The following SLC9A9 variants were observed in gnomAD, a reference collection of about 807,000 sequenced individuals.
The protein encoded by SLC9A9 is solute carrier family 9 member A9.
A neutral mutation model predicts 77.8 loss-of-function variants in SLC9A9; 62 were observed. The ratio of observed to expected loss-of-function variants is 0.80; its 90% CI spans 0.65 to 0.98. The LOEUF is 0.98. SLC9A9 is among the 50% of genes least tolerant of loss of function. SLC9A9 has a pLI of 0.00. For synonymous variants in SLC9A9, 320 were observed against 283.5 expected (o/e 1.13, Z -1.29); for missense variants, 775 against 774.9 (o/e 1.00, Z 0.00).
chr3:143,815,315 C>A (rs767707890), intron 2 of SLC9A9, among the ~76,000 whole-genome samples: 6 of 152,108 alleles, frequency 3.9e-5, no homozygotes, highest in Non-Finnish European at 8.8e-5. Flanking sequence ...ACATGGCAGG[C>A]ACTTGTCAAA....
At chr3:143,725,812 AC>A (rs1384326113) in intron 4 of SLC9A9, among the ~76,000 whole-genome samples, 1 of 151,110 alleles carries the variant, frequency 6.6e-6, no homozygotes, top group Non-Finnish European at 1.5e-5. Context: ...GGTGCAGCAC[AC>A]CAGCATGGCA....
chr3:143,597,089 A>G (rs962340590), intron 6 of SLC9A9, among the ~76,000 whole-genome samples: 3 of 152,172 alleles, frequency 2.0e-5, no homozygotes, highest in Non-Finnish European at 4.4e-5. Flanking sequence ...CCATTGTAAG[A>G]TACATGGATG....
chr3:143,683,189 C>A (rs1933157646), intron 5 of SLC9A9, among the ~76,000 whole-genome samples: 1 of 152,208 alleles, frequency 6.6e-6, no homozygotes, highest in Middle Eastern at 3.4e-3. Context: ...AAATAAGTAG[C>A]AGCTTAAACT....
At chr3:143,830,064 G>T (rs943071837) in intron 2 of SLC9A9, among the ~76,000 whole-genome samples, 1 of 152,186 alleles carries the variant, frequency 6.6e-6, no homozygotes, top group African/African-American at 2.4e-5. Context: ...AAGGAAGACA[G>T]GCTACAGGTT....
intron 7 of SLC9A9, among the ~76,000 whole-genome samples, chr3:143,575,275 A>G (rs1426861683): frequency 1.3e-5 from 2 of 152,200 alleles, no homozygotes; most frequent in East Asian, 3.9e-4. Context: ...GAATAATATC[A>G]TGGTGGGGAG....
At chr3:143,546,482 A>G (rs1274424606) in intron 9 of SLC9A9, among the ~76,000 whole-genome samples, 1 of 152,250 alleles carries the variant, frequency 6.6e-6, no homozygotes, top group Non-Finnish European at 1.5e-5. Context: ...TAGATTTTCA[A>G]AAAGAGCAGA....
At chr3:143,648,277 C>T (rs1330499442) in intron 6 of SLC9A9, among the ~76,000 whole-genome samples, 4 of 152,162 alleles carry the variant, frequency 2.6e-5, no homozygotes, top group African/African-American at 9.7e-5. Context: ...TTTTCGGCAC[C>T]AGGGAACTGT....
chr3:143,517,076 T>TC (rs2036213596), intron 9 of SLC9A9: 1 of 1,077,792 alleles, frequency 9.3e-7, no homozygotes, highest in Non-Finnish European at 1.3e-6. Flanking sequence ...TTCTTTAACT[T>TC]TTTTTTTTTT....
chr3:143,725,671 A>T (rs1445885194), intron 4 of SLC9A9, among the ~76,000 whole-genome samples: 1 of 130,842 alleles, frequency 7.6e-6, no homozygotes, highest in Non-Finnish European at 1.6e-5. Flanking sequence ...TCACTCATAG[A>T]TGGGAATTGA....
chr3:143,717,386 A>G (rs926321915), intron 4 of SLC9A9, among the ~76,000 whole-genome samples: 3 of 152,232 alleles, frequency 2.0e-5, no homozygotes, highest in Non-Finnish European at 4.4e-5. Context: ...CTCAGCTACC[A>G]TAGAAGTTGA....
At chr3:143,605,569 A>G (rs746128302) in intron 6 of SLC9A9, among the ~76,000 whole-genome samples, 1 of 152,260 alleles carries the variant, frequency 6.6e-6, no homozygotes, top group African/African-American at 2.4e-5. Context: ...GGCATCGCAT[A>G]TAAAAGATTT....
At chr3:143,703,628 A>G (rs1933868543) in intron 4 of SLC9A9, among the ~76,000 whole-genome samples, 1 of 152,144 alleles carries the variant, frequency 6.6e-6, no homozygotes, top group Non-Finnish European at 1.5e-5. Flanking sequence ...AAAACTTCAA[A>G]TAAACAACCT....
chr3:143,370,601 A>ACACACACC (rs1436891895), intron 13 of SLC9A9, among the ~76,000 whole-genome samples: 23 of 150,654 alleles, frequency 1.5e-4, no homozygotes, highest in Non-Finnish European at 2.1e-4. Context: ...ACACACACAC[A>ACACACACC]CCCTAACAAA....
chr3:143,438,948 A>G (rs1576497261), intron 12 of SLC9A9, among the ~76,000 whole-genome samples: 2 of 152,140 alleles, frequency 1.3e-5, no homozygotes, highest in South Asian at 4.1e-4. Context: ...GTTCTTACTA[A>G]GGTCTGTTCA....
intron 4 of SLC9A9, among the ~76,000 whole-genome samples, chr3:143,773,862 T>C (rs1205151207): frequency 1.3e-5 from 2 of 152,206 alleles, no homozygotes; most frequent in Admixed American, 1.3e-4. Context: ...TCATGAGTGG[T>C]ACAAGCCATT....
rs1165760286 is a variant in SLC9A9, at chr3:143,436,228, C to T, written c.1469+30809G>A. ...CACATGCGACCTCGTCTTGCGAGCACTGGGCAGTGGTCCAGTCCTACTGCT... is the reference window on the plus strand; with the variant it reads ...CACATGCGACCTCGTCTTGCGAGCATTGGGCAGTGGTCCAGTCCTACTGCT... On this transcript the variant is annotated intron_variant, in intron 12 of 15. Coordinates refer to ENST00000316549, the MANE Select transcript of SLC9A9 (RefSeq NM_173653.4). Among the ~76,000 whole-genome samples the T allele has an allele frequency of 4.6e-5, 7 of 152,222 alleles. No individual in the cohort carries two copies. The South Asian group carries it at 6.2e-4, about 14-fold the overall frequency.
intron 5 of SLC9A9, among the ~76,000 whole-genome samples, chr3:143,662,195 A>G (rs1195116874): frequency 6.6e-6 from 1 of 152,234 alleles, no homozygotes; most frequent in Non-Finnish European, 1.5e-5. Flanking sequence ...CTATTGTACT[A>G]GATACTGCAG....
chr3:143,707,400 A>ACACACGCC (rs549058822), intron 4 of SLC9A9, among the ~76,000 whole-genome samples: 1 of 145,002 alleles, frequency 6.9e-6, no homozygotes, highest in African/African-American at 2.5e-5. Context: ...ACACACACAC[A>ACACACGCC]CCCCAGCTGG....
chr3:143,302,483 A>C (rs574310160), intron 14 of SLC9A9, among the ~76,000 whole-genome samples: 1 of 152,362 alleles, frequency 6.6e-6, no homozygotes, highest in South Asian at 2.1e-4. Flanking sequence ...GAAAAAGCCC[A>C]AGAAAGGAGA....
Sources: allele counts gnomAD v4.1 joint callset (sites outside exome capture counted in the v4.1 genomes callset), GRCh38; gene constraint gnomAD v4.1.1; transcripts MANE v1.5; gene names NCBI Gene and HGNC (gene_info 2026-07-23, HGNC 2026-07-21).